The following HSP90AB1 variants were observed in gnomAD, a reference collection of about 807,000 sequenced individuals.
HSP90AB1 encodes heat shock protein HSP 90-beta.
In HSP90AB1, 17 loss-of-function variants were observed where a neutral mutation model predicts 67.8. That is an observed-to-expected ratio of 0.25 (90% CI 0.17 to 0.38). The LOEUF is 0.38. Among genes scored for constraint, HSP90AB1 ranks in the 10% least tolerant of loss-of-function variants. The pLI is 1.00. For synonymous variants in HSP90AB1, 390 were observed against 312.9 expected, an observed-to-expected ratio of 1.25 and a Z score of -2.60; for missense variants, 690 against 899.9, an observed-to-expected ratio of 0.77 and a Z score of 2.98.
At chr6:44,248,245 A>C (rs1780204072) in intron 1 of HSP90AB1, among the ~76,000 whole-genome samples, 2 of 149,900 alleles carry the variant, frequency 1.3e-5, no homozygotes, top group South Asian at 4.1e-4. Context: ...AAAGAACTGT[A>C]GGTAGTGATT....
At chr6:44,247,672 G>T (rs1288857697) in intron 1 of HSP90AB1, among the ~76,000 whole-genome samples, 1 of 152,220 alleles carries the variant, frequency 6.6e-6, no homozygotes, top group Non-Finnish European at 1.5e-5. Flanking sequence ...CTGTGAGGGA[G>T]GGTTGACGGT....
Position 44,251,218 on chromosome 6 carries a change from G to T in HSP90AB1, c.1123+5G>T, listed in dbSNP as rs1561900009. The T allele has an allele frequency of 6.2e-7, 1 of 1,613,976 alleles. No individual in the cohort carries two copies. Among genetic ancestry groups the T allele is most frequent in the Non-Finnish European group, 8.5e-7 (1 of 1,179,826 alleles). On this transcript the variant is annotated splice_donor_5th_base_variant and intron_variant, in intron 7 of 11. Coordinates refer to ENST00000371646, the MANE Select transcript of HSP90AB1 (RefSeq NM_007355.4). Reference sequence around the variant, plus strand: ...AGTTGATACCAGAGTATCTCAGTGAGTATCTCCTTGGCCTAATTTAGTTGG... The same window carrying T: ...AGTTGATACCAGAGTATCTCAGTGATTATCTCCTTGGCCTAATTTAGTTGG...
At chr6:44,251,944 G>C in intron 9 of HSP90AB1, 55 bp from the exon 10 acceptor site, 1 of 1,613,258 alleles carries the variant, frequency 6.2e-7, no homozygotes, top group Non-Finnish European at 8.5e-7. Flanking sequence ...AGGGCTTCCT[G>C]GGAACTGGCA....
rs756933263 is a variant in HSP90AB1, at chr6:44,252,191, A to T, written c.1655A>T (p.Lys552Met). The T allele has an allele frequency of 1.5e-5, 24 of 1,614,202 alleles. No homozygotes were observed. Among genetic ancestry groups the T allele is most frequent in the South Asian group, 7.7e-5 (7 of 91,084 alleles). The change falls in exon 10 of 12, where the codon AAG becomes ATG. Residue 552 changes from lysine to methionine, a missense_variant. Physicochemically the swap from Lys to Met is moderately conservative, Grantham distance 95. Transcript: ENST00000371646. The part of the protein sequence containing the change: ...ELPEDEEEKK[K>M]MEESKAKFEN... ...CCTGAGGATGAGGAGGAGAAGAAGA[A>T]GATGGAAGAGAGCAAGGCAAAGTTT...
In HSP90AB1 at chr6:44,253,613, G is replaced by T. The variant is rs1460255277; in HGVS notation, c.*15G>T. Reference sequence around the variant, plus strand: ...AAGTCGATTAGGTTAGGAGTTCATAGTTGGAAAACTTGTGCCCTTGTATAG... The same window carrying T: ...AAGTCGATTAGGTTAGGAGTTCATATTTGGAAAACTTGTGCCCTTGTATAG... On this transcript the variant is annotated 3_prime_UTR_variant, in exon 12 of 12. Transcript: ENST00000371646. 1 of 1,603,684 alleles carries T rather than the reference G, an allele frequency of 6.2e-7. No homozygotes were observed. Among genetic ancestry groups the T allele is most frequent in the African/African-American group, 1.3e-5 (1 of 74,696 alleles).
Position 44,250,036 on chromosome 6 carries a change from G to C in HSP90AB1, c.530G>C (p.Arg177Thr). Residue 177 changes from arginine to threonine, a missense_variant, in exon 5 of 12, where the codon AGG (arginine) becomes ACG (threonine). By Grantham distance (71) the Arg-to-Thr change is moderately conservative. Coordinates refer to ENST00000371646, the MANE Select transcript of HSP90AB1 (RefSeq NM_007355.4). ...VRADHGEPIGRGTKVILHLKE... is the reference protein window; with the variant it reads ...VRADHGEPIGTGTKVILHLKE... The stretch of plus-strand genomic sequence containing the variant: ...ACTCTTCTAGGTGAGCCCATTGGCA[G>C]GGGTACCAAAGTGATCCTCCATCTT... 6.2e-7 allele frequency: 1 copy of C among 1,614,148 alleles called. No homozygotes were observed. The highest frequency in any genetic ancestry group is 8.5e-7 in the Non-Finnish European group (1 of 1,179,998).
rs1271689147 is a variant in HSP90AB1 at position 44,253,859 on chromosome 6, A to G, written c.*261A>G. The G allele has an allele frequency of 1.4e-6, 1 of 711,406 alleles. No homozygotes were observed. Among genetic ancestry groups the G allele is most frequent in the East Asian group, 2.8e-5 (1 of 35,770 alleles). 44.1% of individuals were successfully genotyped at this position (711,406 alleles called of 1,614,324 possible). A position where few individuals can be genotyped will look rare whatever the true frequency, so the allele number is the denominator to read the frequency against. On this transcript the variant is annotated 3_prime_UTR_variant, in exon 12 of 12. Transcript: ENST00000371646. ...TTGTTCTGAAATTAAAGTATGCAAA[A>G]TAAAGAATATGCCGTTTTTATACAG...
In HSP90AB1 at chr6:44,251,089, A is replaced by G. The variant is rs2070694; in HGVS notation, c.999A>G (p.Leu333=). 597 of 1,614,108 alleles carry G rather than the reference A, an allele frequency of 3.7e-4. 5 individuals are homozygous for G. The East Asian group carries it at 0.013, about 35-fold the overall frequency. Residue 333 remains leucine (L), a synonymous_variant, in exon 7 of 12, where the codon CTA becomes CTG. Coordinates refer to ENST00000371646, the MANE Select transcript of HSP90AB1 (RefSeq NM_007355.4). ...GTCAGTTGGAATTCAGGGCATTGCTATTTATTCCTCGTCGGGCTCCCTTTG... is the reference window on the plus strand; with the variant it reads ...GTCAGTTGGAATTCAGGGCATTGCTGTTTATTCCTCGTCGGGCTCCCTTTG... The part of the protein sequence containing the change: ...VEGQLEFRAL[L]FIPRRAPFDL...
intron 3 of HSP90AB1, 31 bp from the exon 4 acceptor site, chr6:44,249,644 A>G: frequency 6.2e-7 from 1 of 1,611,322 alleles, no homozygotes; most frequent in Non-Finnish European, 8.5e-7. Context: ...GCTTCTTTAA[A>G]ACTTGTGATT....
Position 44,252,109 on chromosome 6 carries a change from C to T in HSP90AB1, c.1573C>T (p.Leu525Phe). The T allele has an allele frequency of 6.2e-7, 1 of 1,614,094 alleles. No homozygotes were observed. The highest frequency in any genetic ancestry group is 1.1e-5 in the South Asian group (1 of 91,074). The change falls in exon 10 of 12, where the codon CTC becomes TTC. Residue 525 changes from leucine to phenylalanine, a missense_variant. This residue lies in a region of HSP90AB1 where 206 missense variants were observed against 221.4 expected (regional missense o/e 0.93). Coordinates refer to ENST00000371646, the MANE Select transcript of HSP90AB1 (RefSeq NM_007355.4). ...EPIDEYCVQQ[L>F]KEFDGKSLVS... ...CATTGACGAGTACTGTGTGCAGCAG[C>T]TCAAGGAATTTGATGGGAAGAGCCT...
chr6:44,249,974 T>C (rs552887541), intron 4 of HSP90AB1, 47 bp from the exon 5 acceptor site: 3 of 1,610,382 alleles, frequency 1.9e-6, no homozygotes, highest in Admixed American at 3.3e-5. Context: ...TGGTCTCAAC[T>C]GCATATACTT....
At position 44,248,648 on chromosome 6, in the gene HSP90AB1, C is replaced by G; in HGVS notation, c.19C>G (p.His7Asp). The G allele has an allele frequency of 6.2e-7, 1 of 1,612,372 alleles. No homozygotes were observed. The highest frequency in any genetic ancestry group is 8.5e-7 in the Non-Finnish European group (1 of 1,179,440). Reference sequence around the variant, plus strand: ...ATTTTAGATGCCTGAGGAAGTGCACCATGGAGAGGAGGAGGTGGAGACTTT... The same window carrying G: ...ATTTTAGATGCCTGAGGAAGTGCACGATGGAGAGGAGGAGGTGGAGACTTT... Reference protein sequence around the residue: MPEEVHHGEEEVETFAF... With the variant: MPEEVHDGEEEVETFAF... The change falls in exon 2 of 12, where the codon CAT (histidine) becomes GAT (aspartate). Residue 7 changes from histidine (H) to aspartate (D), a missense_variant. Transcript: ENST00000371646.
At chr6:44,250,182 A>G (rs1321309921) in intron 5 of HSP90AB1, 28 bp downstream of exon 5, 1 of 1,613,732 alleles carries the variant, frequency 6.2e-7, no homozygotes, top group African/African-American at 1.3e-5. Context: ...AATCTTTTAC[A>G]CTTAACGTGC....
upstream of HSP90AB1, among the ~76,000 whole-genome samples, chr6:44,246,594 G>C (rs1779933063): frequency 6.6e-6 from 1 of 152,244 alleles, no homozygotes; most frequent in South Asian, 2.1e-4. Flanking sequence ...ACTCCTGCGA[G>C]AGTCGGGATC....
chr6:44,250,983 T>G, intron 6 of HSP90AB1, 65 bp from the exon 7 acceptor site: 2 of 1,352,158 alleles, frequency 1.5e-6, no homozygotes, highest in Non-Finnish European at 2.1e-6. Flanking sequence ...CACTTTTAGA[T>G]AATTTGGTGT....
At position 44,250,504 on chromosome 6, in the gene HSP90AB1, A is replaced by C; in HGVS notation, c.862A>C (p.Ile288Leu). Reference sequence around the variant, plus strand: ...GGAAGAACTAAACAAGACCAAGCCTATTTGGACCAGAAACCCTGATGACAT... The same window carrying C: ...GGAAGAACTAAACAAGACCAAGCCTCTTTGGACCAGAAACCCTGATGACAT... ...DQEELNKTKPIWTRNPDDITQ... is the reference protein window; with the variant it reads ...DQEELNKTKPLWTRNPDDITQ... Residue 288 changes from isoleucine to leucine, a missense_variant, in exon 6 of 12, where the codon ATT (isoleucine) becomes CTT (leucine). By Grantham distance (5) the Ile-to-Leu change is conservative. This residue lies in a region of HSP90AB1 where 101 missense variants were observed against 174.8 expected (regional missense o/e 0.58). Transcript: ENST00000371646. 1 of 1,614,072 alleles carries C rather than the reference A, an allele frequency of 6.2e-7. No homozygotes were observed. Among genetic ancestry groups the C allele is most frequent in the South Asian group, 1.1e-5 (1 of 91,074 alleles).
In HSP90AB1 at chr6:44,251,837, A is replaced by G. The variant is rs781278217; in HGVS notation, c.1415A>G (p.Tyr472Cys). Residue 472 changes from tyrosine to cysteine, a missense_variant, in exon 9 of 12, where the codon TAT becomes TGT. Tyr to Cys is a radical substitution (Grantham distance 194). Around this residue, in one of 7 missense-constraint regions of HSP90AB1, gnomAD observed 206 missense variants for 221.4 expected, o/e 0.93. Transcript: ENST00000371646. ...GATGAGATGACATCTCTGTCAGAGTATGTTTCTCGCATGAAGGAGACACAG... is the reference window on the plus strand; with the variant it reads ...GATGAGATGACATCTCTGTCAGAGTGTGTTTCTCGCATGAAGGAGACACAG... ...SGDEMTSLSEYVSRMKETQKS... is the reference protein window; with the variant it reads ...SGDEMTSLSECVSRMKETQKS... The G allele has an allele frequency of 4.3e-6, 7 of 1,612,998 alleles. No homozygotes were observed. In the South Asian group the frequency reaches 6.6e-5, roughly 15 times the overall value.
In HSP90AB1 at chr6:44,251,110, C is replaced by G. The variant is rs148311257; in HGVS notation, c.1020C>G (p.Pro340=). The change falls in exon 7 of 12, where the codon CCC becomes CCG. Residue 340 remains proline, a synonymous_variant. Coordinates refer to ENST00000371646, the MANE Select transcript of HSP90AB1 (RefSeq NM_007355.4). ...RALLFIPRRA[P]FDLFENKKKK... ...TGCTATTTATTCCTCGTCGGGCTCC[C>G]TTTGACCTTTTTGAGAACAAGAAGA... 72 of 1,614,012 alleles carry G rather than the reference C, an allele frequency of 4.5e-5. No individual in the cohort carries two copies. Among genetic ancestry groups the G allele is most frequent in the Non-Finnish European group, 6.1e-5 (72 of 1,180,008 alleles).
chr6:44,250,602 G>A lies in HSP90AB1; in HGVS notation c.957+3G>A. The A allele has an allele frequency of 6.5e-7, 1 of 1,541,448 alleles. No homozygotes were observed. The highest frequency in any genetic ancestry group is 2.2e-5 in the East Asian group (1 of 44,502). On this transcript the variant is annotated splice_donor_region_variant and intron_variant, in intron 6 of 11. Coordinates refer to ENST00000371646, the MANE Select transcript of HSP90AB1 (RefSeq NM_007355.4). ...GGGAAGACCACTTGGCAGTCAAGGT[G>A]TGAGAAGCCTTTGCATGTTGGCTCA...
Sources: gnomAD v4.1 joint callset for allele counts (sites outside exome capture counted in the v4.1 genomes callset) on GRCh38, gnomAD v4.1.1 for gene constraint, gnomAD v4.1.1 regional missense constraint, MANE v1.5 for transcripts, NCBI Gene and HGNC (gene_info 2026-07-23, HGNC 2026-07-21) for gene names.